ANKS1B: variants seen among roughly 807,000 people sequenced by gnomAD.
ANKS1B encodes ankyrin repeat and sterile alpha motif domain-containing protein 1B.
A neutral mutation model predicts 148.3 loss-of-function variants in ANKS1B; 36 were observed. The ratio of observed to expected loss-of-function variants is 0.24; its 90% CI spans 0.19 to 0.32. The LOEUF is 0.32. Ranked by LOEUF, ANKS1B falls within the 10% of genes least tolerant of loss-of-function variation. The pLI, the probability that ANKS1B is intolerant of heterozygous loss-of-function variation, is 1.00. For synonymous variants in ANKS1B, 542 were observed against 560.8 expected (o/e 0.97, Z 0.47); for missense variants, 1,157 against 1,542.6 (o/e 0.75, Z 4.19).
chr12:98,770,068 C>T (rs892553349), intron 25 of ANKS1B, among the ~76,000 whole-genome samples: 2 of 152,142 alleles, frequency 1.3e-5, no homozygotes, highest in Non-Finnish European at 1.5e-5. Flanking sequence ...CGTCAGCAGG[C>T]AGGGAGAGGG....
chr12:99,209,210 A>G (rs190249539), intron 14 of ANKS1B, among the ~76,000 whole-genome samples: 2 of 152,306 alleles, frequency 1.3e-5, no homozygotes, highest in East Asian at 3.9e-4. Context: ...TTCCAGCAAA[A>G]CAAAACTCGG....
In ANKS1B at chr12:99,182,904, A is replaced by G. The variant is rs562906624; in HGVS notation, c.2420-28509T>C. Among the ~76,000 whole-genome samples, 3 of 152,322 alleles carry G rather than the reference A, an allele frequency of 2.0e-5. No individual in the cohort carries two copies. In the South Asian group the frequency reaches 6.2e-4, roughly 32 times the overall value. On this transcript the variant is annotated intron_variant, in intron 14 of 26. Coordinates refer to ENST00000683438, the MANE Select transcript of ANKS1B (RefSeq NM_001352186.2). Reference sequence around the variant, plus strand: ...TGTGGTTCTGATTTACATTTCTCTGATAATCAATGATGTTGAACACACTTT... The same window carrying G: ...TGTGGTTCTGATTTACATTTCTCTGGTAATCAATGATGTTGAACACACTTT...
At chr12:99,979,078 T>C (rs562841489) in intron 1 of ANKS1B, among the ~76,000 whole-genome samples, 1 of 152,294 alleles carries the variant, frequency 6.6e-6, no homozygotes, top group South Asian at 2.1e-4. Flanking sequence ...AGAGAGGTTT[T>C]TTTTTAAGAT....
chr12:99,768,372 C>T (rs953427186), intron 8 of ANKS1B, among the ~76,000 whole-genome samples: 5 of 152,046 alleles, frequency 3.3e-5, no homozygotes, highest in Non-Finnish European at 7.4e-5. Context: ...TTGGATTTTC[C>T]TTGATGATAA....
At position 98,773,048 on chromosome 12, in the gene ANKS1B, A is replaced by G. The variant is rs1267370696; in HGVS notation, c.3573T>C (p.Phe1191=). ...NHHYCHVFTA[F]DVNLAYEIIL... ...AAAGGGGGTGGGTACTCACCACATCAAAGGCAGTAAACACATGACAGTAGT... is the reference window on the plus strand; with the variant it reads ...AAAGGGGGTGGGTACTCACCACATCGAAGGCAGTAAACACATGACAGTAGT... The change falls in exon 25 of 27, where the codon TTT becomes TTC. Residue 1191 remains phenylalanine, a synonymous_variant. Coordinates refer to ENST00000683438, the MANE Select transcript of ANKS1B (RefSeq NM_001352186.2). The G allele has an allele frequency of 1.9e-6, 3 of 1,613,890 alleles. No individual in the cohort carries two copies. Among genetic ancestry groups the G allele is most frequent in the East Asian group, 4.5e-5 (2 of 44,894 alleles).
At chr12:99,438,350 C>T (rs1055391654) in intron 11 of ANKS1B, among the ~76,000 whole-genome samples, 11 of 151,904 alleles carry the variant, frequency 7.2e-5, no homozygotes, top group East Asian at 1.9e-4. Flanking sequence ...TTGAATTTTA[C>T]GAATGAGAAT....
chr12:99,493,043 T>C (rs2096569757), intron 10 of ANKS1B, among the ~76,000 whole-genome samples: 1 of 152,110 alleles, frequency 6.6e-6, no homozygotes, highest in Non-Finnish European at 1.5e-5. Flanking sequence ...GCCAGATCAA[T>C]CAAGCGAGAG....
At chr12:99,071,033 T>C (rs575722416) in intron 16 of ANKS1B, among the ~76,000 whole-genome samples, 7 of 152,338 alleles carry the variant, frequency 4.6e-5, no homozygotes, top group African/African-American at 1.4e-4. Flanking sequence ...TCCAGGAACC[T>C]ACTCCTGATT....
intron 14 of ANKS1B, among the ~76,000 whole-genome samples, chr12:99,223,909 T>C (rs1430677775): frequency 6.6e-6 from 1 of 152,248 alleles, no homozygotes; most frequent in African/African-American, 2.4e-5. Flanking sequence ...TCTGCACTCA[T>C]GAGTGAGCAC....
rs374965094 is a variant in ANKS1B at position 99,925,607 on chromosome 12, T to G, written c.134+58497A>C. ...ATGCACCCTTCTTTGTCTTGCTTTA[T>G]ATATTGGAGCTGGACCCTACGAGCA... On this transcript the variant is annotated intron_variant, in intron 1 of 26. Transcript: ENST00000683438. 7.3e-4 allele frequency among the ~76,000 whole-genome samples: 111 copies of G among 152,276 alleles called. No homozygotes were observed. In the South Asian group the frequency reaches 0.022, roughly 31 times the overall value.
At chr12:99,731,909 GA>G (rs1266073425) in intron 8 of ANKS1B, among the ~76,000 whole-genome samples, 2 of 152,108 alleles carry the variant, frequency 1.3e-5, no homozygotes, top group South Asian at 2.1e-4. Context: ...TTTAAAACCA[GA>G]AATCTGATGA....
chr12:99,310,573 C>T (rs187746905), intron 12 of ANKS1B, among the ~76,000 whole-genome samples: 29 of 152,232 alleles, frequency 1.9e-4, no homozygotes, highest in African/African-American at 4.1e-4. Context: ...CAAACTGAAA[C>T]GTTGGCTGTT....
At chr12:99,761,870 T>A (rs976827290) in intron 8 of ANKS1B, among the ~76,000 whole-genome samples, 1 of 152,004 alleles carries the variant, frequency 6.6e-6, no homozygotes, top group Non-Finnish European at 1.5e-5. Context: ...AATCTATATA[T>A]GAAGATCATT....
intron 12 of ANKS1B, among the ~76,000 whole-genome samples, chr12:99,266,055 G>C (rs1359865722): frequency 2.6e-5 from 4 of 152,056 alleles, no homozygotes; most frequent in Non-Finnish European, 1.5e-5. Flanking sequence ...ATACAGAAAG[G>C]AGTGAACTAG....
intron 12 of ANKS1B, among the ~76,000 whole-genome samples, chr12:99,298,179 A>G (rs1277473115): frequency 6.6e-6 from 1 of 152,320 alleles, no homozygotes; most frequent in African/African-American, 2.4e-5. Flanking sequence ...GGTTTGAATA[A>G]CTATAGTAGC....
intron 9 of ANKS1B, among the ~76,000 whole-genome samples, chr12:99,640,042 A>C (rs1598623765): frequency 6.6e-6 from 1 of 152,124 alleles, no homozygotes; most frequent in East Asian, 1.9e-4. Context: ...AGTGGTGGTG[A>C]GCACCTATCA....
chr12:99,612,936 G>A (rs2097914587), intron 9 of ANKS1B, among the ~76,000 whole-genome samples: 1 of 152,062 alleles, frequency 6.6e-6, no homozygotes, highest in Non-Finnish European at 1.5e-5. Flanking sequence ...CAGCAAGGAA[G>A]GCCTTCAAGT....
intron 10 of ANKS1B, among the ~76,000 whole-genome samples, chr12:99,477,107 G>C (rs1166375645): frequency 2.6e-5 from 4 of 152,126 alleles, no homozygotes; most frequent in Non-Finnish European, 5.9e-5. Context: ...TTTGTAACCT[G>C]ATCTCAGAAG....
rs185458691 is a variant in ANKS1B at position 99,784,958 on chromosome 12, C to T, written c.670-2861G>A. ...TTCCCATAATAAACTGTAAGTTCAG[C>T]GGAAATGTAGGCCACATCTATTTTT... is the stretch of plus-strand genomic sequence containing the variant. On this transcript the variant is annotated intron_variant, in intron 4 of 26. Coordinates refer to ENST00000683438, the MANE Select transcript of ANKS1B (RefSeq NM_001352186.2). Among the ~76,000 whole-genome samples, 137 of 152,186 alleles carry T rather than the reference C, an allele frequency of 9.0e-4. 1 individual carries two copies. In the South Asian group the frequency reaches 0.021, roughly 23 times the overall value.
Sources: allele counts gnomAD v4.1 joint callset (sites outside exome capture counted in the v4.1 genomes callset), GRCh38; gene constraint gnomAD v4.1.1; transcripts MANE v1.5; gene names NCBI Gene and HGNC (gene_info 2026-07-23, HGNC 2026-07-21).